The following OTOP1 variants were observed in gnomAD, a reference collection of about 807,000 sequenced individuals.
OTOP1 encodes proton channel OTOP1.
OTOP1 carries 59 observed loss-of-function variants against 52.9 expected under a neutral mutation model. That is an observed-to-expected ratio of 1.12 (90% CI 0.91 to 1.39). OTOP1 has a LOEUF of 1.39. Ranked by LOEUF, OTOP1 falls within the 40% of genes most tolerant of loss-of-function variation. The probability of loss-of-function intolerance (pLI) is 0.00; values close to 1 mark genes in which losing one functional copy is unlikely to be tolerated. For synonymous variants in OTOP1, 317 were observed against 337.7 expected (o/e 0.94, Z 0.67); for missense variants, 761 against 800.9 (o/e 0.95, Z 0.60).
At chr4:4,226,182 C>A (rs76512646) in intron 1 of OTOP1, among the ~76,000 whole-genome samples, 6 of 152,136 alleles carry the variant, frequency 3.9e-5, no homozygotes, top group Admixed American at 1.3e-4. Flanking sequence ...AGGGCCACTG[C>A]ATGGCTTTAA....
At chr4:4,198,379 GT>G (rs2108797676) in intron 4 of OTOP1, among the ~76,000 whole-genome samples, 1 of 151,222 alleles carries the variant, frequency 6.6e-6, no homozygotes, top group African/African-American at 2.4e-5. Context: ...AAATAGATAT[GT>G]AGATGATAGA....
intron 1 of OTOP1, among the ~76,000 whole-genome samples, chr4:4,222,912 G>C (rs1238171735): frequency 6.6e-6 from 1 of 152,192 alleles, no homozygotes; most frequent in Non-Finnish European, 1.5e-5. Flanking sequence ...GGAATGGCCA[G>C]GGCTTTGCAA....
intron 1 of OTOP1, among the ~76,000 whole-genome samples, chr4:4,217,963 A>C (rs1717186179): frequency 6.6e-6 from 1 of 152,210 alleles, no homozygotes; most frequent in Admixed American, 6.5e-5. Flanking sequence ...AATTAGATTA[A>C]TAGGAGAGAA....
chr4:4,202,424 C>T (rs1359077294), intron 4 of OTOP1, 24 bp downstream of exon 4: 1 of 1,612,066 alleles, frequency 6.2e-7, no homozygotes, highest in East Asian at 2.2e-5. Context: ...GGCAGAAGGG[C>T]CACTCACCTC....
chr4:4,195,090 T>G (rs1367294959), intron 5 of OTOP1, among the ~76,000 whole-genome samples: 1 of 152,128 alleles, frequency 6.6e-6, no homozygotes, highest in Non-Finnish European at 1.5e-5. Flanking sequence ...AGTCCTCCCT[T>G]GCCCTCAACA....
intron 1 of OTOP1, among the ~76,000 whole-genome samples, chr4:4,225,459 T>C (rs1261284448): frequency 2.0e-5 from 3 of 151,486 alleles, no homozygotes; most frequent in Non-Finnish European, 4.4e-5. Context: ...GTTCCAGCTA[T>C]TCAGGAGGCT....
At chr4:4,219,953 G>A (rs1488593073) in intron 1 of OTOP1, among the ~76,000 whole-genome samples, 53 of 140,662 alleles carry the variant, frequency 3.8e-4, no homozygotes, top group South Asian at 6.6e-4. Flanking sequence ...ACATATATAC[G>A]TATACATGTA....
In OTOP1 at chr4:4,202,560, C is replaced by A. The variant is rs774670171; in HGVS notation, c.618G>T (p.Ser206=). 74 of 1,613,842 alleles carry A rather than the reference C, an allele frequency of 4.6e-5. No homozygotes were observed. The highest frequency in any genetic ancestry group is 6.2e-5 in the Non-Finnish European group (73 of 1,179,926). ...KTLERFGVIH[S]VFTNLLLWAN... ...CCCACAGAAGCAGGTTGGTGAACAC[C>A]GAGTGGATCACTCCAAACCTGAAAA... Residue 206 remains serine (S), a synonymous_variant, in exon 4 of 6, where the codon TCG becomes TCT. Coordinates refer to ENST00000296358, the MANE Select transcript of OTOP1 (RefSeq NM_177998.3).
rs1415317211 is a variant in OTOP1 at position 4,221,619 on chromosome 4, G to A, written c.403+4843C>T. On this transcript the variant is annotated intron_variant, in intron 1 of 5. Coordinates refer to ENST00000296358, the MANE Select transcript of OTOP1 (RefSeq NM_177998.3). Reference sequence around the variant, plus strand: ...TTGAGGGCTAAGTCTCACAGGTCATGCTCCCCAGCTTCCCAGTGAGGGCTC... The same window carrying A: ...TTGAGGGCTAAGTCTCACAGGTCATACTCCCCAGCTTCCCAGTGAGGGCTC... Among the ~76,000 whole-genome samples the A allele has an allele frequency of 2.6e-5, 4 of 152,066 alleles. No individual in the cohort carries two copies. In the East Asian group the frequency reaches 5.8e-4, roughly 22 times the overall value.
chr4:4,194,698 T>C (rs1716583168), intron 5 of OTOP1, among the ~76,000 whole-genome samples: 1 of 152,194 alleles, frequency 6.6e-6, no homozygotes, highest in African/African-American at 2.4e-5. Context: ...AGAGCAGGCT[T>C]GATAACGGAG....
At chr4:4,224,792 C>T (rs887072608) in intron 1 of OTOP1, among the ~76,000 whole-genome samples, 7 of 152,310 alleles carry the variant, frequency 4.6e-5, no homozygotes, top group Non-Finnish European at 7.3e-5. Flanking sequence ...AGTCATAATA[C>T]AAGGCAGAAA....
In OTOP1 at chr4:4,198,070, G is replaced by T. The variant is rs201574696; in HGVS notation, c.764C>A (p.Thr255Lys). ...LDDHTPQCNC[T>K]PPTLCTAISH... ...GATGGCAGTGCACAGAGTTGGGGGCGTGCAGTTACACTGCGGTGTGTGGTC... is the reference window on the plus strand; with the variant it reads ...GATGGCAGTGCACAGAGTTGGGGGCTTGCAGTTACACTGCGGTGTGTGGTC... The change falls in exon 5 of 6, where the codon ACG (threonine) becomes AAG (lysine). Residue 255 changes from threonine to lysine, a missense_variant. Physicochemically the swap from Thr to Lys is moderately conservative, Grantham distance 78. Coordinates refer to ENST00000296358, the MANE Select transcript of OTOP1 (RefSeq NM_177998.3). 1.1e-5 allele frequency: 17 copies of T among 1,613,948 alleles called. No individual in the cohort carries two copies. Among genetic ancestry groups the T allele is most frequent in the Non-Finnish European group, 1.4e-5 (17 of 1,179,962 alleles).
intron 5 of OTOP1, among the ~76,000 whole-genome samples, chr4:4,191,845 A>G (rs1409756066): frequency 6.6e-6 from 1 of 152,208 alleles, no homozygotes; most frequent in Non-Finnish European, 1.5e-5. Context: ...TGTACCCTCA[A>G]CATGCATAGC....
intron 5 of OTOP1, among the ~76,000 whole-genome samples, chr4:4,196,883 G>A (rs1045271883): frequency 1.4e-4 from 22 of 152,124 alleles, no homozygotes; most frequent in African/African-American, 4.6e-4. Context: ...AATACCACAT[G>A]TCCTCTCTTA....
In OTOP1 at chr4:4,197,974, A is replaced by G. The variant is rs749935675; in HGVS notation, c.860T>C (p.Val287Ala). 3 of 1,613,890 alleles carry G rather than the reference A, an allele frequency of 1.9e-6. No homozygotes were observed. The highest frequency in any genetic ancestry group is 1.7e-5 in the Admixed American group (1 of 59,974). ...TTTGCGCCCGATGTTCTTCCACAGGACGTAGAGCATTGTGGAGGCCAGGAT... is the reference window on the plus strand; with the variant it reads ...TTTGCGCCCGATGTTCTTCCACAGGGCGTAGAGCATTGTGGAGGCCAGGAT... ...YQILASTMLY[V>A]LWKNIGRKVD... The change falls in exon 5 of 6, where the codon GTC becomes GCC. Residue 287 changes from valine (V) to alanine (A), a missense_variant. Coordinates refer to ENST00000296358, the MANE Select transcript of OTOP1 (RefSeq NM_177998.3).
intron 1 of OTOP1, among the ~76,000 whole-genome samples, chr4:4,219,989 A>G (rs2108805883): frequency 1.0e-5 from 1 of 98,192 alleles, no homozygotes; most frequent in East Asian, 2.7e-4. Context: ...ATATACGTAT[A>G]TAGGTGTATA....
chr4:4,214,522 T>C (rs1245039571), intron 1 of OTOP1, among the ~76,000 whole-genome samples: 3 of 152,138 alleles, frequency 2.0e-5, no homozygotes, highest in African/African-American at 7.2e-5. Context: ...AGCAGCATTA[T>C]TTTCAGTATC....
intron 3 of OTOP1, among the ~76,000 whole-genome samples, chr4:4,203,541 A>G (rs781039904): frequency 5.9e-5 from 9 of 152,228 alleles, no homozygotes; most frequent in Non-Finnish European, 1.2e-4. Context: ...GATAGAAAAG[A>G]GAACTAAGTG....
rs552405074 is a variant in OTOP1, at chr4:4,199,655, C to T, written c.731-1552G>A. Among the ~76,000 whole-genome samples the T allele has an allele frequency of 4.4e-3, 667 of 152,282 alleles. 5 individuals are homozygous for T. The highest frequency in any genetic ancestry group is 0.012 in the African/African-American group (505 of 41,556). ...CTTGAACTCCTGAGCTCATGAGATC[C>T]GCCTGCCTCCGCCTCCCAAAGTTCT... is the stretch of plus-strand genomic sequence containing the variant. On this transcript the variant is annotated intron_variant, in intron 4 of 5. Coordinates refer to ENST00000296358, the MANE Select transcript of OTOP1 (RefSeq NM_177998.3).
Sources: allele counts gnomAD v4.1 joint callset (sites outside exome capture counted in the v4.1 genomes callset), GRCh38; gene constraint gnomAD v4.1.1; transcripts MANE v1.5; gene names NCBI Gene and HGNC (gene_info 2026-07-23, HGNC 2026-07-21).